ACOX3: variants seen among roughly 807,000 people sequenced by gnomAD.
ACOX3 encodes acyl-CoA oxidase 3, pristanoyl, also known as peroxisomal acyl-coenzyme A oxidase 3.
Under a neutral mutation model 81.5 loss-of-function variants are expected in ACOX3, and 73 were observed. The ratio of observed to expected loss-of-function variants is 0.90; its 90% CI spans 0.74 to 1.09. ACOX3 has a LOEUF of 1.09. ACOX3 is among the 50% of genes least tolerant of loss of function. The pLI is 0.00. For synonymous variants in ACOX3, 387 were observed against 375.1 expected (o/e 1.03, Z -0.37); for missense variants, 947 against 928.0 (o/e 1.02, Z -0.27).
chr4:8,415,072 G>T, intron 3 of ACOX3, 144 bp from the exon 4 acceptor site: 1 of 782,842 alleles, frequency 1.3e-6, no homozygotes, highest in Non-Finnish European at 2.1e-6. Flanking sequence ...TGGAGAACAA[G>T]TGCTGAGAGG....
In ACOX3 at chr4:8,385,953, T is replaced by C. The variant is rs1388268133; in HGVS notation, c.1537+3220A>G. Among the ~76,000 whole-genome samples, 2 of 152,324 alleles carry C rather than the reference T, an allele frequency of 1.3e-5. No individual in the cohort carries two copies. Among genetic ancestry groups the C allele is most frequent in the Non-Finnish European group, 1.5e-5 (1 of 68,044 alleles). ...TACCACTTTGAACAAGTGAAAGCCA[T>C]TTGCCTTTGTTACTCCGGAAAACGT... On this transcript the variant is annotated intron_variant, in intron 13 of 17. Transcript: ENST00000356406. The surrounding 1 kb of genome is among the most constrained non-coding windows in gnomAD (Gnocchi z 5.5).
intron 6 of ACOX3, 58 bp downstream of exon 6, chr4:8,410,154 T>C: frequency 6.4e-7 from 1 of 1,572,462 alleles, no homozygotes; most frequent in Non-Finnish European, 8.7e-7. Flanking sequence ...CTCCAGACAT[T>C]ACCAGTGCTT....
Position 8,386,898 on chromosome 4 carries a change from G to T in ACOX3, c.1537+2275C>A, listed in dbSNP as rs1214890880. On this transcript the variant is annotated intron_variant, in intron 13 of 17. Transcript: ENST00000356406. The surrounding 1 kb of genome is among the most constrained non-coding windows in gnomAD (Gnocchi z 5.2). ...GGAGACGGACAAGGACACACGCTCG[G>T]GGGCTGCTATCACATCCACGGCGTC... 6.6e-6 allele frequency among the ~76,000 whole-genome samples: 1 copy of T among 152,328 alleles called. No individual in the cohort carries two copies. The highest frequency in any genetic ancestry group is 2.1e-4 in the South Asian group (1 of 4,832).
chr4:8,375,930 G>A (rs749151790), intron 14 of ACOX3, among the ~76,000 whole-genome samples: 6 of 152,208 alleles, frequency 3.9e-5, no homozygotes, highest in Admixed American at 6.5e-5. Flanking sequence ...GGGCACCTGC[G>A]TTGATTTCAC....
intron 17 of ACOX3, among the ~76,000 whole-genome samples, chr4:8,369,987 G>A (rs1208101510): frequency 6.6e-6 from 1 of 152,206 alleles, no homozygotes; most frequent in Admixed American, 6.5e-5. Context: ...GTGGACCTGT[G>A]AGCATCGCTC....
In ACOX3 at chr4:8,394,725, T is replaced by C. The variant is rs752918414; in HGVS notation, c.1074A>G (p.Pro358=). ...EYPMQQWRLL[P]YLAAVYALDH... ...CTAAGGCGTAGACAGCTGCCAGATA[T>C]GGAAGCAAGCGCCATTGCTAGAACA... is the stretch of plus-strand genomic sequence containing the variant. The change falls in exon 10 of 18, where the codon CCA becomes CCG. Residue 358 remains proline (P), a synonymous_variant. Coordinates refer to ENST00000356406, the MANE Select transcript of ACOX3 (RefSeq NM_003501.3). The surrounding 1 kb of genome is among the most constrained non-coding windows in gnomAD (Gnocchi z 5.9). The C allele has an allele frequency of 1.2e-6, 2 of 1,613,486 alleles. No homozygotes were observed. The highest frequency in any genetic ancestry group is 1.7e-6 in the Non-Finnish European group (2 of 1,179,808).
the ACOX3 span, chr4:8,356,390 G>A: frequency 2.6e-6 from 1 of 390,654 alleles, no homozygotes; most frequent in Non-Finnish European, 5.2e-6. Context: ...CTCACGCACA[G>A]TGATGCATGT....
Position 8,407,490 on chromosome 4 carries a change from T to C in ACOX3, c.688-1447A>G, listed in dbSNP as rs112766532. Reference sequence around the variant, plus strand: ...TTAAAGGGAATGCCGCCCTAAAGATTCCTCAATTTCAGACCCCGGCCTCCA... The same window carrying C: ...TTAAAGGGAATGCCGCCCTAAAGATCCCTCAATTTCAGACCCCGGCCTCCA... On this transcript the variant is annotated intron_variant, in intron 6 of 17. Coordinates refer to ENST00000356406, the MANE Select transcript of ACOX3 (RefSeq NM_003501.3). This position sits in a 1 kb window ranked among gnomAD's most constrained non-coding sequence, Gnocchi z 4.6. 8.5e-3 allele frequency among the ~76,000 whole-genome samples: 1,299 copies of C among 152,286 alleles called. 20 individuals carry two copies. Among genetic ancestry groups the C allele is most frequent in the African/African-American group, 0.03 (1,241 of 41,544 alleles).
rs1722104204 is a variant in ACOX3, at chr4:8,414,387, T to C, written c.454-6A>G. ...AGAGCAAAACATCCAAAAATCTAAA[T>C]GTCAAAGCACAAAATGATGGAAAGC... is the stretch of plus-strand genomic sequence containing the variant. On this transcript the variant is annotated splice_region_variant and splice_polypyrimidine_tract_variant and intron_variant, in intron 4 of 17. Coordinates refer to ENST00000356406, the MANE Select transcript of ACOX3 (RefSeq NM_003501.3). The surrounding 1 kb of genome is among the most constrained non-coding windows in gnomAD (Gnocchi z 6.1). 2 of 1,613,056 alleles carry C rather than the reference T, an allele frequency of 1.2e-6. No individual in the cohort carries two copies. Among genetic ancestry groups the C allele is most frequent in the Admixed American group, 1.7e-5 (1 of 60,000 alleles).
At position 8,382,935 on chromosome 4, in the gene ACOX3, G is replaced by T. The variant is rs75760221; in HGVS notation, c.1538-1328C>A. On this transcript the variant is annotated intron_variant, in intron 13 of 17. Coordinates refer to ENST00000356406, the MANE Select transcript of ACOX3 (RefSeq NM_003501.3). This position sits in a 1 kb window ranked among gnomAD's most constrained non-coding sequence, Gnocchi z 4.1. ...TGAACCCGGGAGGCGGAGTTGCAGT[G>T]AGCCGAGATCGCGCCACTGCACTCC... Among the ~76,000 whole-genome samples, 7,695 of 147,164 alleles carry T rather than the reference G, an allele frequency of 0.052. 256 individuals are homozygous for T. Among genetic ancestry groups the T allele is most frequent in the African/African-American group, 0.092 (3,688 of 40,120 alleles).
At position 8,381,377 on chromosome 4, in the gene ACOX3, C is replaced by T. The variant is rs1019010183; in HGVS notation, c.1653+115G>A. On this transcript the variant is annotated intron_variant, in intron 14 of 17. Coordinates refer to ENST00000356406, the MANE Select transcript of ACOX3 (RefSeq NM_003501.3). The surrounding 1 kb of genome is among the most constrained non-coding windows in gnomAD (Gnocchi z 4.3). ...TCATCAAGTCATCTGCCCAAGGTCA[C>T]GGGAGCTCGGGGTCTGGGGCCTGAA... is the stretch of plus-strand genomic sequence containing the variant. 2.6e-5 allele frequency: 23 copies of T among 871,440 alleles called. No homozygotes were observed. Among genetic ancestry groups the T allele is most frequent in the African/African-American group, 1.8e-4 (11 of 59,728 alleles). The allele number at this position is 871,440 out of a possible 1,614,324, so 54.0% of individuals were successfully genotyped here.
At chr4:8,439,815 A>G (rs988374957) in intron 1 of ACOX3, among the ~76,000 whole-genome samples, 1 of 152,204 alleles carries the variant, frequency 6.6e-6, no homozygotes, top group Non-Finnish European at 1.5e-5. Flanking sequence ...AACTCCCACT[A>G]ATTTGTGAAA....
chr4:8,369,333 G>A lies in ACOX3; in HGVS notation c.1983+1575C>T, dbSNP rs572952978. ...GGTAGGGCAAGTCCCTCTCCTATGC[G>A]CTCCCCCAGGACCCAAGGCTCCCGC... is the stretch of plus-strand genomic sequence containing the variant. On this transcript the variant is annotated intron_variant, in intron 17 of 17. Coordinates refer to ENST00000356406, the MANE Select transcript of ACOX3 (RefSeq NM_003501.3). 2.6e-5 allele frequency among the ~76,000 whole-genome samples: 4 copies of A among 152,164 alleles called. No individual in the cohort carries two copies. In the South Asian group the frequency reaches 6.2e-4, roughly 24 times the overall value.
Position 8,370,983 on chromosome 4 carries a change from ATCGTCTT to A in ACOX3, c.1901_1907del (p.Lys634MetfsTer6), listed in dbSNP as rs766578306. 4 of 1,613,994 alleles carry A rather than the reference ATCGTCTT, an allele frequency of 2.5e-6. No individual in the cohort carries two copies. The highest frequency in any genetic ancestry group is 1.7e-5 in the Admixed American group (1 of 60,004). On this transcript the variant is annotated frameshift_variant, in exon 17 of 18. Coordinates refer to ENST00000356406, the MANE Select transcript of ACOX3 (RefSeq NM_003501.3). LOFTEE classifies it high-confidence loss of function. This position sits in a 1 kb window ranked among gnomAD's most constrained non-coding sequence, Gnocchi z 6.3. ...CGATCACGTCTACCAGGGCAACTGC[ATCGTCTT>A]TCAGCTGTTGGAAAACAAAGCCCAG...
intron 7 of ACOX3, among the ~76,000 whole-genome samples, chr4:8,402,688 G>C (rs1040381254): frequency 6.6e-6 from 1 of 152,206 alleles, no homozygotes; most frequent in African/African-American, 2.4e-5. Flanking sequence ...ATACAAGCCA[G>C]ATCCAGTGTC....
chr4:8,422,889 C>T (rs957274571), intron 1 of ACOX3, among the ~76,000 whole-genome samples: 2 of 152,200 alleles, frequency 1.3e-5, no homozygotes, highest in Non-Finnish European at 2.9e-5. Flanking sequence ...AATAAGCTGC[C>T]CCTCATCCAT....
In ACOX3 at chr4:8,406,179, A is replaced by C; in HGVS notation, c.688-136T>G. Reference sequence around the variant, plus strand: ...CTGTGGGTTAAACCATCCTCCAGAAATGATACATCCAAGTCCTAACCCCAG... The same window carrying C: ...CTGTGGGTTAAACCATCCTCCAGAACTGATACATCCAAGTCCTAACCCCAG... On this transcript the variant is annotated intron_variant, in intron 6 of 17. Coordinates refer to ENST00000356406, the MANE Select transcript of ACOX3 (RefSeq NM_003501.3). This position sits in a 1 kb window ranked among gnomAD's most constrained non-coding sequence, Gnocchi z 5.6. 1.3e-6 allele frequency: 1 copy of C among 771,426 alleles called. No individual in the cohort carries two copies. The highest frequency in any genetic ancestry group is 2.2e-6 in the Non-Finnish European group (1 of 449,066). 47.8% of individuals were successfully genotyped at this position (771,426 alleles called of 1,614,324 possible).
At chr4:8,435,163 G>GC (rs1378533756) in intron 1 of ACOX3, among the ~76,000 whole-genome samples, 1 of 152,206 alleles carries the variant, frequency 6.6e-6, no homozygotes, top group East Asian at 1.9e-4. Context: ...CAGAGGTTAA[G>GC]CCCCCAGAGG....
intron 1 of ACOX3, among the ~76,000 whole-genome samples, chr4:8,420,384 G>A (rs954272): frequency 0.056 from 8,548 of 152,238 alleles, 397 homozygotes; most frequent in African/African-American, 0.13. Context: ...GGACTAGCTG[G>A]ATTTCCAAGG....
Sources: gnomAD v4.1 joint callset for allele counts (sites outside exome capture counted in the v4.1 genomes callset) on GRCh38, gnomAD v4.1.1 for gene constraint, Gnocchi (gnomAD v3.1) non-coding constraint, MANE v1.5 for transcripts, NCBI Gene and HGNC (gene_info 2026-07-23, HGNC 2026-07-21) for gene names.